The following HDAC9 variants were observed in gnomAD, a reference collection of about 807,000 sequenced individuals.
HDAC9 encodes histone deacetylase 9, also known as MEF-2 interacting transcription repressor (MITR) protein.
In HDAC9, 41 loss-of-function variants were observed where a neutral mutation model predicts 139.4. That is an observed-to-expected ratio of 0.29 (90% CI 0.23 to 0.38). The LOEUF (loss-of-function observed/expected upper bound fraction) is 0.38. Among genes scored for constraint, HDAC9 ranks in the 10% least tolerant of loss-of-function variants. The probability of loss-of-function intolerance (pLI) is 1.00; values close to 1 mark genes in which losing one functional copy is unlikely to be tolerated. For synonymous variants in HDAC9, 517 were observed against 476.2 expected, an observed-to-expected ratio of 1.09 and a Z score of -1.12; for missense variants, 1,147 against 1,297.0, an observed-to-expected ratio of 0.88 and a Z score of 1.78.
chr7:18,896,253 A>G (rs1203294749), intron 22 of HDAC9, among the ~76,000 whole-genome samples: 1 of 152,124 alleles, frequency 6.6e-6, no homozygotes, highest in Non-Finnish European at 1.5e-5. Context: ...TCTGCTTACT[A>G]ATTTGAAGAT....
intron 2 of HDAC9, among the ~76,000 whole-genome samples, chr7:18,280,762 C>A (rs1256719307): frequency 7.8e-4 from 114 of 146,150 alleles, no homozygotes; most frequent in Middle Eastern, 3.5e-3. Context: ...GACCCTGTCT[C>A]AAAAAAAATA....
intron 13 of HDAC9, among the ~76,000 whole-genome samples, chr7:18,746,333 C>T (rs918884486): frequency 3.9e-5 from 6 of 152,114 alleles, no homozygotes; most frequent in Admixed American, 2.0e-4. Flanking sequence ...TGTGAAGACA[C>T]GTCTTACACA....
chr7:18,689,338 C>A (rs188000839), intron 12 of HDAC9, among the ~76,000 whole-genome samples: 352 of 152,020 alleles, frequency 2.3e-3, no homozygotes, highest in Admixed American at 5.7e-3. Flanking sequence ...TTACAATTTT[C>A]AAAATTCAGA....
At chr7:18,251,700 A>G (rs1794925773) in intron 2 of HDAC9, among the ~76,000 whole-genome samples, 1 of 152,204 alleles carries the variant, frequency 6.6e-6, no homozygotes, top group African/African-American at 2.4e-5. Context: ...AAAAAGATGG[A>G]CAACCTTTAA....
chr7:18,494,600 A>G (rs192108826), upstream of HDAC9, among the ~76,000 whole-genome samples: 1 of 152,184 alleles, frequency 6.6e-6, no homozygotes, highest in Admixed American at 6.5e-5. Flanking sequence ...TATCTCTTAT[A>G]TAGAAAGGAT....
chr7:18,829,381 A>G (rs2129206114), intron 18 of HDAC9, 80 bp from the exon 19 acceptor site: 1 of 1,243,002 alleles, frequency 8.0e-7, no homozygotes, highest in Non-Finnish European at 1.2e-6. Context: ...TAGCATTTAA[A>G]AAAATGCTCT....
chr7:18,827,858 T>C lies in HDAC9; in HGVS notation c.2323-1303T>C, dbSNP rs549254523. The stretch of plus-strand genomic sequence containing the variant: ...TCAGAAGTCCTGCAGCACTCTATAG[T>C]GTCAATCTACCATCTTAATGTTTCA... On this transcript the variant is annotated intron_variant, in intron 17 of 25. Coordinates refer to ENST00000686413, the MANE Select transcript of HDAC9 (RefSeq NM_178425.4). Among the ~76,000 whole-genome samples the C allele has an allele frequency of 9.2e-5, 14 of 152,296 alleles. No individual in the cohort carries two copies. In the East Asian group the frequency reaches 2.7e-3, roughly 29 times the overall value.
chr7:18,618,941 G>T (rs1839462683), intron 6 of HDAC9, among the ~76,000 whole-genome samples: 1 of 151,400 alleles, frequency 6.6e-6, no homozygotes, highest in Admixed American at 6.6e-5. Context: ...TAAAACTTTG[G>T]GATTCAGGTA....
intron 2 of HDAC9, among the ~76,000 whole-genome samples, chr7:18,162,869 A>G (rs1787739930): frequency 6.6e-6 from 1 of 152,074 alleles, no homozygotes; most frequent in South Asian, 2.1e-4. Flanking sequence ...CTCCTATTCC[A>G]GTGATGTGTG....
chr7:18,130,903 C>T (rs1369651717), intron 1 of HDAC9, among the ~76,000 whole-genome samples: 2 of 152,088 alleles, frequency 1.3e-5, no homozygotes, highest in Non-Finnish European at 2.9e-5. Context: ...TGTTTCCCTA[C>T]ACCATTAGCA....
chr7:18,721,555 A>C (rs1462984022), intron 12 of HDAC9, among the ~76,000 whole-genome samples: 1 of 152,140 alleles, frequency 6.6e-6, no homozygotes, highest in Admixed American at 6.5e-5. Flanking sequence ...GTATTTTCAG[A>C]GTATGCATTA....
At chr7:18,374,253 A>G (rs545371206) in intron 1 of HDAC9, among the ~76,000 whole-genome samples, 5 of 151,602 alleles carry the variant, frequency 3.3e-5, no homozygotes, top group Non-Finnish European at 5.9e-5. Context: ...TTTAGAAGTT[A>G]TATATATATG....
intron 24 of HDAC9, among the ~76,000 whole-genome samples, chr7:18,967,031 G>A (rs566487424): frequency 3.5e-4 from 53 of 152,300 alleles, no homozygotes; most frequent in African/African-American, 1.1e-3. Flanking sequence ...TATGTAACTT[G>A]AACAAAATGT....
intron 17 of HDAC9, among the ~76,000 whole-genome samples, chr7:18,825,020 G>A (rs1265394583): frequency 2.0e-5 from 3 of 152,212 alleles, no homozygotes; most frequent in Non-Finnish European, 1.5e-5. Context: ...TTGAGCCACT[G>A]GATCAATCAT....
intron 21 of HDAC9, among the ~76,000 whole-genome samples, chr7:18,868,407 G>C (rs191123778): frequency 2.0e-5 from 3 of 152,198 alleles, no homozygotes; most frequent in African/African-American, 4.8e-5. Flanking sequence ...TTAAGAAAGA[G>C]GCAATCTGAG....
intron 2 of HDAC9, among the ~76,000 whole-genome samples, chr7:18,579,940 A>G (rs1022407580): frequency 6.6e-6 from 1 of 152,202 alleles, no homozygotes; most frequent in Non-Finnish European, 1.5e-5. Context: ...TACTTAAAAC[A>G]TTAAAATGGT....
intron 1 of HDAC9, among the ~76,000 whole-genome samples, chr7:18,474,477 G>A (rs916490030): frequency 5.9e-5 from 9 of 152,136 alleles, no homozygotes; most frequent in African/African-American, 2.2e-4. Flanking sequence ...GGGAAACAAA[G>A]CAATCAAATT....
intron 2 of HDAC9, among the ~76,000 whole-genome samples, chr7:18,210,776 T>C (rs1791885092): frequency 6.6e-6 from 1 of 152,226 alleles, no homozygotes; most frequent in African/African-American, 2.4e-5. Flanking sequence ...AAATTTTATT[T>C]ATTTGTAATG....
At chr7:18,744,163 T>G (rs1290836696) in intron 13 of HDAC9, among the ~76,000 whole-genome samples, 3 of 152,048 alleles carry the variant, frequency 2.0e-5, no homozygotes, top group Admixed American at 1.3e-4. Flanking sequence ...GCTAATTTTT[T>G]GTATTTTTAG....
Sources: allele counts gnomAD v4.1 joint callset (sites outside exome capture counted in the v4.1 genomes callset), GRCh38; gene constraint gnomAD v4.1.1; transcripts MANE v1.5; gene names NCBI Gene and HGNC (gene_info 2026-07-23, HGNC 2026-07-21).